DCDC2: variants seen among roughly 807,000 people sequenced by gnomAD.
DCDC2 encodes doublecortin domain containing 2.
Under a neutral mutation model 50.2 loss-of-function variants are expected in DCDC2, and 40 were observed. The ratio of observed to expected loss-of-function variants is 0.80; its 90% CI spans 0.62 to 1.04. The LOEUF is 1.04. DCDC2 is among the 50% of genes least tolerant of loss of function. The pLI is 0.00. For synonymous variants in DCDC2, 234 were observed against 210.6 expected, an observed-to-expected ratio of 1.11 and a Z score of -0.96; for missense variants, 570 against 581.9, an observed-to-expected ratio of 0.98 and a Z score of 0.21.
intron 7 of DCDC2, 129 bp from the exon 8 acceptor site, chr6:24,205,231 G>C: frequency 6.2e-7 from 1 of 1,600,606 alleles, no homozygotes; most frequent in Admixed American, 1.7e-5. Flanking sequence ...TAGTATTTTT[G>C]TGCACCCCCT....
chr6:24,365,485 T>C, the DCDC2 span, among the ~76,000 whole-genome samples: 82,893 of 151,984 alleles, frequency 0.55, 24,419 homozygotes, highest in East Asian at 0.8. Flanking sequence ...AGAGACAGGG[T>C]TTCACCATGT....
chr6:24,343,288 A>T (rs1760196387), intron 2 of DCDC2, among the ~76,000 whole-genome samples: 1 of 151,920 alleles, frequency 6.6e-6, no homozygotes, highest in African/African-American at 2.4e-5. Flanking sequence ...TGACTTCGTG[A>T]TCCACCCACC....
chr6:24,184,418 C>T (rs1367864783), intron 8 of DCDC2, among the ~76,000 whole-genome samples: 1 of 151,694 alleles, frequency 6.6e-6, no homozygotes, highest in Non-Finnish European at 1.5e-5. Flanking sequence ...TACTAAAATA[C>T]AAAAAATTAG....
chr6:24,276,114 C>T (rs895510677), intron 7 of DCDC2, among the ~76,000 whole-genome samples: 4 of 151,998 alleles, frequency 2.6e-5, no homozygotes, highest in Non-Finnish European at 4.4e-5. Context: ...ATCCGACTAC[C>T]CACCTTGGCC....
intron 2 of DCDC2, among the ~76,000 whole-genome samples, chr6:24,309,810 T>C (rs557135597): frequency 9.2e-5 from 14 of 152,126 alleles, no homozygotes; most frequent in African/African-American, 2.6e-4. Flanking sequence ...CAATATACTG[T>C]TTATAAGAGA....
the DCDC2 span, among the ~76,000 whole-genome samples, chr6:24,380,096 G>A: frequency 1.1e-4 from 17 of 151,940 alleles, no homozygotes; most frequent in Non-Finnish European, 1.6e-4. Flanking sequence ...TGTAAATGAT[G>A]GGTTGATGGG....
At chr6:24,207,998 T>C (rs1011070704) in intron 7 of DCDC2, among the ~76,000 whole-genome samples, 1 of 152,180 alleles carries the variant, frequency 6.6e-6, no homozygotes, top group Non-Finnish European at 1.5e-5. Flanking sequence ...TCTGAGTAAC[T>C]TCAACACCAT....
At chr6:24,358,879 T>TA (rs1760549725), upstream of DCDC2, among the ~76,000 whole-genome samples, 14 of 52,688 alleles carry the variant, frequency 2.7e-4, no homozygotes, top group Non-Finnish European at 4.0e-4. Flanking sequence ...TATATATGTA[T>TA]TATATATATT....
At chr6:24,233,645 T>C (rs1762381114) in intron 7 of DCDC2, among the ~76,000 whole-genome samples, 1 of 152,178 alleles carries the variant, frequency 6.6e-6, no homozygotes, top group Admixed American at 6.5e-5. Context: ...CTTTTTAAAA[T>C]TGTCTGTATG....
chr6:24,327,451 A>AATTT (rs568793518), intron 2 of DCDC2, among the ~76,000 whole-genome samples: 3 of 83,746 alleles, frequency 3.6e-5, no homozygotes, highest in Non-Finnish European at 8.1e-5. Context: ...CAACATTATA[A>AATTT]ACTTATTTAT....
chr6:24,187,112 T>C (rs746578815), intron 8 of DCDC2, among the ~76,000 whole-genome samples: 9 of 152,112 alleles, frequency 5.9e-5, no homozygotes, highest in Non-Finnish European at 1.0e-4. Flanking sequence ...ATGCTCATAC[T>C]AATACTCTTT....
upstream of DCDC2, among the ~76,000 whole-genome samples, chr6:24,360,209 G>T (rs1003340668): frequency 1.3e-5 from 2 of 152,236 alleles, no homozygotes; most frequent in African/African-American, 2.4e-5. Context: ...CCTGGCTTGC[G>T]CCTGGCTCCT....
intron 7 of DCDC2, among the ~76,000 whole-genome samples, chr6:24,252,680 CA>C (rs1282442293): frequency 6.6e-6 from 1 of 152,136 alleles, no homozygotes; most frequent in East Asian, 1.9e-4. Flanking sequence ...AGCCAAAGTA[CA>C]AAATCAAAGA....
At chr6:24,243,693 G>A (rs4612153) in intron 7 of DCDC2, among the ~76,000 whole-genome samples, 21,316 of 152,128 alleles carry the variant, frequency 0.14, 1,759 homozygotes, top group African/African-American at 0.23. Context: ...GAATTAAATT[G>A]TCCCTGGCTA....
intron 9 of DCDC2, among the ~76,000 whole-genome samples, chr6:24,177,456 G>A (rs933699372): frequency 1.3e-5 from 2 of 152,172 alleles, no homozygotes; most frequent in African/African-American, 4.8e-5. Flanking sequence ...TGATCATAGT[G>A]GGTATTAGGA....
At chr6:24,210,019 GGTGTGTGTGTGTGTGTGT>G (rs71002475) in intron 7 of DCDC2, among the ~76,000 whole-genome samples, 21 of 145,278 alleles carry the variant, frequency 1.4e-4, no homozygotes, top group African/African-American at 2.1e-4. Context: ...GCAGTATCAG[GGTGTGTGTGTGTGTGTGT>G]GTGTGTGTGT....
intron 4 of DCDC2, among the ~76,000 whole-genome samples, chr6:24,300,934 C>T (rs1299273160): frequency 1.3e-5 from 2 of 152,080 alleles, no homozygotes; most frequent in South Asian, 4.1e-4. Context: ...TACATTTAGA[C>T]AACCCCACTA....
At position 24,173,466 on chromosome 6, in the gene DCDC2, A is replaced by T. The variant is rs953410652; in HGVS notation, c.*1264T>A. The stretch of plus-strand genomic sequence containing the variant: ...ATATATCCTTTAAGAAAAATATATT[A>T]TTTCTATATTTATGGAAGAACATCT... On this transcript the variant is annotated 3_prime_UTR_variant, in exon 10 of 10. Coordinates refer to ENST00000378454, the MANE Select transcript of DCDC2 (RefSeq NM_016356.5). 4 of 152,178 alleles carry T rather than the reference A, an allele frequency of 2.6e-5. No individual in the cohort carries two copies. Among genetic ancestry groups the T allele is most frequent in the African/African-American group, 9.6e-5 (4 of 41,466 alleles). 9.4% of individuals were successfully genotyped at this position (152,178 alleles called of 1,614,324 possible).
intron 4 of DCDC2, among the ~76,000 whole-genome samples, chr6:24,293,442 C>T (rs1394406243): frequency 1.3e-5 from 2 of 152,082 alleles, no homozygotes; most frequent in African/African-American, 4.8e-5. Flanking sequence ...CCCAAGAGAG[C>T]AGCAACCAAA....
Sources: gnomAD v4.1 joint callset for allele counts (sites outside exome capture counted in the v4.1 genomes callset) on GRCh38, gnomAD v4.1.1 for gene constraint, MANE v1.5 for transcripts, NCBI Gene and HGNC (gene_info 2026-07-23, HGNC 2026-07-21) for gene names.